The following GRM8 variants were observed in gnomAD, a reference collection of about 807,000 sequenced individuals.
GRM8 encodes the protein glutamate metabotropic receptor 8.
A neutral mutation model predicts 87.2 loss-of-function variants in GRM8; 47 were observed. The ratio of observed to expected loss-of-function variants is 0.54; its 90% CI spans 0.43 to 0.69. The LOEUF (loss-of-function observed/expected upper bound fraction) is 0.69. Among genes scored for constraint, GRM8 ranks in the 30% least tolerant of loss-of-function variants. The pLI, the probability that GRM8 is intolerant of heterozygous loss-of-function variation, is 0.00. For synonymous variants in GRM8, 396 were observed against 404.5 expected (o/e 0.98, Z 0.25); for missense variants, 1,019 against 1,139.2 (o/e 0.89, Z 1.52).
chr7:126,978,478 A>G (rs1002756699), intron 3 of GRM8, among the ~76,000 whole-genome samples: 6 of 152,202 alleles, frequency 3.9e-5, no homozygotes, highest in African/African-American at 1.4e-4. Context: ...TGGGAAAAAG[A>G]ATTAGAGGTG....
intron 3 of GRM8, among the ~76,000 whole-genome samples, chr7:126,911,754 A>G (rs1803319066): frequency 2.0e-5 from 3 of 152,192 alleles, no homozygotes; most frequent in Non-Finnish European, 4.4e-5. Flanking sequence ...CTGAGGCTAG[A>G]ATGGCCTTCA....
chr7:126,561,250 A>G (rs1307095769), intron 8 of GRM8, among the ~76,000 whole-genome samples: 2 of 152,184 alleles, frequency 1.3e-5, no homozygotes, highest in African/African-American at 4.8e-5. Flanking sequence ...AGGTGGGCGG[A>G]TCACGAGGTC....
chr7:127,097,374 G>A (rs1392973291), intron 3 of GRM8, among the ~76,000 whole-genome samples: 1 of 152,104 alleles, frequency 6.6e-6, no homozygotes, highest in Non-Finnish European at 1.5e-5. Context: ...CCCAGAAGTG[G>A]GTGGATGGCA....
chr7:127,038,696 G>A (rs567610633), intron 3 of GRM8, among the ~76,000 whole-genome samples: 1 of 152,100 alleles, frequency 6.6e-6, no homozygotes, highest in African/African-American at 2.4e-5. Context: ...ATAATCCATT[G>A]TAAAAATGGA....
At chr7:126,615,316 G>A (rs1219812925) in intron 7 of GRM8, among the ~76,000 whole-genome samples, 1 of 152,058 alleles carries the variant, frequency 6.6e-6, no homozygotes, top group Admixed American at 6.6e-5. Flanking sequence ...TTAGAGACAA[G>A]CAAATGCTGA....
intron 3 of GRM8, among the ~76,000 whole-genome samples, chr7:127,089,952 T>C (rs1392089678): frequency 6.6e-6 from 1 of 152,176 alleles, no homozygotes; most frequent in Non-Finnish European, 1.5e-5. Context: ...ATCTAAGGGC[T>C]CCAGGACACA....
intron 3 of GRM8, among the ~76,000 whole-genome samples, chr7:127,069,791 G>A (rs754400480): frequency 1.3e-5 from 2 of 152,208 alleles, no homozygotes; most frequent in Non-Finnish European, 2.9e-5. Flanking sequence ...CTGGTTAAAT[G>A]TATGATCCTA....
chr7:126,715,661 T>C (rs1001555814), intron 7 of GRM8, among the ~76,000 whole-genome samples: 5 of 152,138 alleles, frequency 3.3e-5, no homozygotes, highest in African/African-American at 1.2e-4. Context: ...TTGAAAAAAA[T>C]TCGTGGATAA....
At chr7:126,445,949 A>C (rs1329065156) in intron 10 of GRM8, 177 bp downstream of exon 10, 1 of 698,416 alleles carries the variant, frequency 1.4e-6, no homozygotes, top group Non-Finnish European at 2.5e-6. Context: ...ACAGCCGCTC[A>C]TCTTGAGACC....
At chr7:126,880,492 C>T (rs1799929823) in intron 6 of GRM8, among the ~76,000 whole-genome samples, 1 of 152,066 alleles carries the variant, frequency 6.6e-6, no homozygotes, top group Non-Finnish European at 1.5e-5. Context: ...ACATAAAGTC[C>T]AAGAGCTAGA....
At chr7:126,624,771 A>T (rs1419486) in intron 7 of GRM8, among the ~76,000 whole-genome samples, 48,698 of 152,138 alleles carry the variant, frequency 0.32, 8,426 homozygotes, top group East Asian at 0.43. Flanking sequence ...TGCACTACAT[A>T]GGAGGGCATT....
chr7:126,534,834 A>C (rs1283386626), intron 8 of GRM8, among the ~76,000 whole-genome samples: 1 of 152,204 alleles, frequency 6.6e-6, no homozygotes, highest in African/African-American at 2.4e-5. Flanking sequence ...AAAAGCAGCT[A>C]CTATAAAAGG....
At chr7:127,043,127 G>A (rs1818590360) in intron 3 of GRM8, among the ~76,000 whole-genome samples, 1 of 152,214 alleles carries the variant, frequency 6.6e-6, no homozygotes. Flanking sequence ...AGGTGCTGGA[G>A]AGGATGTGGA....
At chr7:126,546,500 A>G (rs1277841439) in intron 8 of GRM8, among the ~76,000 whole-genome samples, 2 of 152,234 alleles carry the variant, frequency 1.3e-5, no homozygotes, top group Non-Finnish European at 2.9e-5. Flanking sequence ...TAATCGTCCA[A>G]GTGAAGGGAA....
At chr7:127,119,115 G>A (rs2133169863) in intron 2 of GRM8, among the ~76,000 whole-genome samples, 1 of 152,268 alleles carries the variant, frequency 6.6e-6, no homozygotes, top group Non-Finnish European at 1.5e-5. Context: ...GGGAAGGTAA[G>A]TGCAAAAAGG....
intron 2 of GRM8, among the ~76,000 whole-genome samples, chr7:127,160,951 C>G (rs1793074250): frequency 6.6e-6 from 1 of 152,076 alleles, no homozygotes; most frequent in South Asian, 2.1e-4. Context: ...GTGGTCTTTT[C>G]TTAGTAGAAA....
At chr7:127,176,649 G>A (rs1794124265) in intron 2 of GRM8, among the ~76,000 whole-genome samples, 1 of 152,190 alleles carries the variant, frequency 6.6e-6, no homozygotes, top group South Asian at 2.1e-4. Flanking sequence ...CCCAAATACT[G>A]TGAGTGCCCT....
intron 7 of GRM8, among the ~76,000 whole-genome samples, chr7:126,681,162 T>C (rs1462286217): frequency 6.6e-6 from 1 of 152,206 alleles, no homozygotes; most frequent in East Asian, 1.9e-4. Context: ...TTCTGCATAC[T>C]CATTCTTGCC....
chr7:127,108,007 G>C (rs757418814), intron 2 of GRM8, among the ~76,000 whole-genome samples: 1 of 152,142 alleles, frequency 6.6e-6, no homozygotes, highest in Non-Finnish European at 1.5e-5. Flanking sequence ...CCAGAATAGC[G>C]TGGCCCATTT....
Sources: allele counts gnomAD v4.1 joint callset (sites outside exome capture counted in the v4.1 genomes callset), GRCh38; gene constraint gnomAD v4.1.1; transcripts MANE v1.5; gene names NCBI Gene and HGNC (gene_info 2026-07-23, HGNC 2026-07-21).